The following ASPRV1 variants were observed in gnomAD, a reference collection of about 807,000 sequenced individuals.
ASPRV1 encodes aspartic peptidase retroviral like 1.
A neutral mutation model predicts 11.0 loss-of-function variants in ASPRV1; 7 were observed. That is an observed-to-expected ratio of 0.64 (90% confidence interval 0.36 to 1.20). The LOEUF is 1.20. Ranked by LOEUF, ASPRV1 falls within the 50% of genes most tolerant of loss-of-function variation. The pLI, the probability that ASPRV1 is intolerant of heterozygous loss-of-function variation, is 0.02. For missense variants in ASPRV1, 299 were observed against 320.0 expected, an observed-to-expected ratio of 0.93 and a Z score of 0.50; for synonymous variants, 136 against 138.4, an observed-to-expected ratio of 0.98 and a Z score of 0.12.
the ASPRV1 span, among the ~76,000 whole-genome samples, chr2:69,947,746 G>A: frequency 1.3e-5 from 2 of 152,188 alleles, no homozygotes; most frequent in Non-Finnish European, 2.9e-5. Flanking sequence ...AGGTGAATGT[G>A]AGGGGTTTTT....
At chr2:70,024,568 G>T in the ASPRV1 span, among the ~76,000 whole-genome samples, 5 of 152,268 alleles carry the variant, frequency 3.3e-5, no homozygotes, top group Non-Finnish European at 7.4e-5. Flanking sequence ...CAGCCCCAAG[G>T]TTGCCCTGAC....
the ASPRV1 span, among the ~76,000 whole-genome samples, chr2:69,979,345 G>A: frequency 6.6e-6 from 1 of 152,180 alleles, no homozygotes; most frequent in Non-Finnish European, 1.5e-5. Flanking sequence ...GGACGTTTGA[G>A]TTTCAGGACC....
chr2:69,947,784 G>A, the ASPRV1 span, among the ~76,000 whole-genome samples: 1 of 152,118 alleles, frequency 6.6e-6, no homozygotes, highest in Non-Finnish European at 1.5e-5. Flanking sequence ...GTTTGGTTAT[G>A]GAAACAAACT....
At chr2:69,982,862 A>G in the ASPRV1 span, among the ~76,000 whole-genome samples, 1 of 152,250 alleles carries the variant, frequency 6.6e-6, no homozygotes, top group African/African-American at 2.4e-5. Context: ...AGAAAGGGCT[A>G]GCAAGGCTGG....
chr2:69,987,215 C>T, the ASPRV1 span, among the ~76,000 whole-genome samples: 13 of 152,156 alleles, frequency 8.5e-5, no homozygotes, highest in Middle Eastern at 3.4e-3. Context: ...AATCGCCATC[C>T]CCTCCTGGTT....
the ASPRV1 span, among the ~76,000 whole-genome samples, chr2:70,000,767 C>G: frequency 1.0e-5 from 1 of 95,866 alleles, no homozygotes; most frequent in Non-Finnish European, 1.9e-5. Context: ...CCAGCCTGGG[C>G]AACAGAGCAA....
the ASPRV1 span, among the ~76,000 whole-genome samples, chr2:70,077,664 G>A: frequency 6.6e-6 from 1 of 151,454 alleles, no homozygotes; most frequent in Non-Finnish European, 1.5e-5. Flanking sequence ...GACCAGCCTG[G>A]CCAACATGGT....
At chr2:70,067,112 T>A in the ASPRV1 span, among the ~76,000 whole-genome samples, 29 of 152,298 alleles carry the variant, frequency 1.9e-4, no homozygotes, top group African/African-American at 7.0e-4. Context: ...TACTCTTTTA[T>A]AAATTTAAAA....
chr2:70,087,066 TG>T, the ASPRV1 span: 1 of 137,884 alleles, frequency 7.3e-6, no homozygotes, highest in African/African-American at 2.8e-5. Context: ...GCACGCGCTC[TG>T]GTCACCTCAC....
chr2:70,072,011 G>A, the ASPRV1 span, among the ~76,000 whole-genome samples: 1 of 151,732 alleles, frequency 6.6e-6, no homozygotes, highest in African/African-American at 2.4e-5. Flanking sequence ...GAGTGCAGTG[G>A]CACGATCTCA....
At chr2:70,008,189 T>C in the ASPRV1 span, among the ~76,000 whole-genome samples, 1 of 152,148 alleles carries the variant, frequency 6.6e-6, no homozygotes, top group Non-Finnish European at 1.5e-5. Flanking sequence ...ATCTATCTCA[T>C]TCATTCATTT....
chr2:69,973,704 G>C, the ASPRV1 span, among the ~76,000 whole-genome samples: 2 of 152,222 alleles, frequency 1.3e-5, no homozygotes, highest in Non-Finnish European at 2.9e-5. Context: ...GCAGAGAATA[G>C]TTTTTGAATA....
chr2:69,940,664 CT>C, the ASPRV1 span: 1 of 152,554 alleles, frequency 6.6e-6, no homozygotes, highest in Admixed American at 6.5e-5. Context: ...TTGTCTGGTC[CT>C]TTTCAGTTTG....
the ASPRV1 span, among the ~76,000 whole-genome samples, chr2:69,998,878 C>A: frequency 6.6e-6 from 1 of 152,242 alleles, no homozygotes; most frequent in South Asian, 2.1e-4. Flanking sequence ...GCATGACTGA[C>A]AGGAAACCCC....
chr2:69,966,412 C>T (rs868417893), upstream of ASPRV1, among the ~76,000 whole-genome samples: 85 of 152,250 alleles, frequency 5.6e-4, no homozygotes, highest in African/African-American at 2.0e-3. Flanking sequence ...AGGGCCAGGG[C>T]CCTGCCTGGC....
At chr2:70,085,665 T>C in the ASPRV1 span, 1 of 152,180 alleles carries the variant, frequency 6.6e-6, no homozygotes, top group Non-Finnish European at 1.5e-5. Context: ...TAAGAACACC[T>C]ACCTCAGAGG....
At chr2:69,982,628 C>T in the ASPRV1 span, among the ~76,000 whole-genome samples, 3 of 152,082 alleles carry the variant, frequency 2.0e-5, no homozygotes, top group South Asian at 2.1e-4. Context: ...ATGGGACAGA[C>T]GCACCTGGGT....
the ASPRV1 span, among the ~76,000 whole-genome samples, chr2:70,040,300 G>A: frequency 6.6e-6 from 1 of 152,198 alleles, no homozygotes. Context: ...CTTGAGCTCA[G>A]AAGTTTGAAG....
chr2:70,032,583 A>C, the ASPRV1 span, among the ~76,000 whole-genome samples: 1 of 152,026 alleles, frequency 6.6e-6, no homozygotes, highest in African/African-American at 2.4e-5. Flanking sequence ...GCTTGAGCCC[A>C]GGAGGTTAAG....
Sources: allele counts gnomAD v4.1 joint callset (sites outside exome capture counted in the v4.1 genomes callset), GRCh38; gene constraint gnomAD v4.1.1; transcripts MANE v1.5; gene names NCBI Gene and HGNC (gene_info 2026-07-23, HGNC 2026-07-21).